Variants in LRRC37A2 observed in about 807,000 individuals in gnomAD.
LRRC37A2 encodes leucine rich repeat containing 37 member A2.
Under a neutral mutation model 68.8 loss-of-function variants are expected in LRRC37A2, and 9 were observed. The ratio of observed to expected loss-of-function variants is 0.13; its 90% CI spans 0.08 to 0.23. The LOEUF (loss-of-function observed/expected upper bound fraction) is 0.23, where lower values mean the gene tolerates loss of function less well. Among genes scored for constraint, LRRC37A2 ranks in the 10% least tolerant of loss-of-function variants. The pLI is 1.00. For missense variants in LRRC37A2, 168 were observed against 950.4 expected (o/e 0.18, Z 10.82); for synonymous variants, 63 against 367.6 (o/e 0.17, Z 9.48).
chr17:46,922,150 G>C, the LRRC37A2 span, among the ~76,000 whole-genome samples: 1 of 152,202 alleles, frequency 6.6e-6, no homozygotes, highest in Non-Finnish European at 1.5e-5. Context: ...ATACTATGCA[G>C]CCATAAAAAA....
the LRRC37A2 span, among the ~76,000 whole-genome samples, chr17:46,907,810 C>G: frequency 2.0e-5 from 3 of 150,962 alleles, no homozygotes; most frequent in Non-Finnish European, 2.9e-5. Context: ...GAGCCATGAT[C>G]GTGACACTGT....
the LRRC37A2 span, among the ~76,000 whole-genome samples, chr17:46,773,115 G>A: frequency 2.0e-5 from 3 of 152,120 alleles, no homozygotes; most frequent in Non-Finnish European, 4.4e-5. Context: ...AGACTCCCAG[G>A]CTGCAAGACG....
At chr17:46,919,446 G>A in the LRRC37A2 span, among the ~76,000 whole-genome samples, 1 of 152,184 alleles carries the variant, frequency 6.6e-6, no homozygotes, top group Non-Finnish European at 1.5e-5. Flanking sequence ...TTAAGAGACT[G>A]AGAGGCAGAA....
the LRRC37A2 span, among the ~76,000 whole-genome samples, chr17:46,737,832 T>G: frequency 6.6e-6 from 1 of 151,912 alleles, no homozygotes; most frequent in Admixed American, 6.6e-5. Context: ...GTCAGGGCCA[T>G]TGTGCCATGC....
the LRRC37A2 span, among the ~76,000 whole-genome samples, chr17:46,790,432 C>G: frequency 5.2e-4 from 79 of 152,202 alleles, no homozygotes; most frequent in Middle Eastern, 3.4e-3. Flanking sequence ...TAGGTGCTCC[C>G]TCCCCTCTGT....
the LRRC37A2 span, among the ~76,000 whole-genome samples, chr17:46,917,618 G>C: frequency 6.6e-6 from 1 of 152,148 alleles, no homozygotes; most frequent in Non-Finnish European, 1.5e-5. Flanking sequence ...CTACAGTTTT[G>C]TGGTCTTGGA....
At chr17:46,766,105 G>A in the LRRC37A2 span, among the ~76,000 whole-genome samples, 2 of 152,166 alleles carry the variant, frequency 1.3e-5, no homozygotes, top group Admixed American at 1.3e-4. Flanking sequence ...GAGAAAGAGG[G>A]CTGATGAAGA....
At chr17:46,809,429 G>C in the LRRC37A2 span, among the ~76,000 whole-genome samples, 1 of 152,328 alleles carries the variant, frequency 6.6e-6, no homozygotes, top group Non-Finnish European at 1.5e-5. Flanking sequence ...AGGTCTTCCA[G>C]ACAGACCTGG....
the LRRC37A2 span, chr17:46,749,678 A>T: frequency 8.4e-7 from 1 of 1,187,188 alleles, no homozygotes; most frequent in Non-Finnish European, 1.2e-6. Context: ...CGGCAAGATT[A>T]AATAAAAGTC....
At chr17:46,739,431 C>T in the LRRC37A2 span, among the ~76,000 whole-genome samples, 4 of 146,014 alleles carry the variant, frequency 2.7e-5, no homozygotes, top group South Asian at 6.5e-4. Flanking sequence ...TCCAGCTACT[C>T]GGGAGGCTGA....
chr17:47,018,729 C>G, the LRRC37A2 span: 4 of 1,520,704 alleles, frequency 2.6e-6, no homozygotes. Flanking sequence ...TGAATCTTCC[C>G]TAACCCATCA....
At chr17:46,943,980 C>T in the LRRC37A2 span, among the ~76,000 whole-genome samples, 1 of 152,104 alleles carries the variant, frequency 6.6e-6, no homozygotes, top group Non-Finnish European at 1.5e-5. Flanking sequence ...GAAGAGGGGG[C>T]TCTCGGAGGC....
the LRRC37A2 span, among the ~76,000 whole-genome samples, chr17:46,905,433 T>A: frequency 6.6e-6 from 1 of 152,316 alleles, no homozygotes; most frequent in Non-Finnish European, 1.5e-5. Flanking sequence ...TTAAAGATGA[T>A]GCTTGGAATA....
At chr17:46,842,177 G>A in the LRRC37A2 span, among the ~76,000 whole-genome samples, 102 of 152,314 alleles carry the variant, frequency 6.7e-4, no homozygotes, top group Admixed American at 1.5e-3. Context: ...AGGTCCTTGG[G>A]CAGGCCACTT....
chr17:46,807,340 G>A, the LRRC37A2 span, among the ~76,000 whole-genome samples: 1 of 152,318 alleles, frequency 6.6e-6, no homozygotes, highest in East Asian at 1.9e-4. Flanking sequence ...AAATTAGCTG[G>A]GTGTGGTGGC....
At chr17:46,595,460 A>G in the LRRC37A2 span, among the ~76,000 whole-genome samples, 7 of 97,552 alleles carry the variant, frequency 7.2e-5, no homozygotes, top group Non-Finnish European at 1.0e-4. Context: ...CTCAGCTATC[A>G]AACATTGAAT....
At chr17:46,585,186 G>A in the LRRC37A2 span, among the ~76,000 whole-genome samples, 1 of 146,372 alleles carries the variant, frequency 6.8e-6, no homozygotes, top group Admixed American at 6.8e-5. Context: ...GTATGGTGGT[G>A]CGTGCGTGTA....
chr17:46,711,016 CA>C, the LRRC37A2 span: 1 of 1,593,956 alleles, frequency 6.3e-7, no homozygotes, highest in South Asian at 1.2e-5. Context: ...ACGGTATCAT[CA>C]AATGGGGTGA....
the LRRC37A2 span, among the ~76,000 whole-genome samples, chr17:46,872,200 A>T: frequency 6.6e-6 from 1 of 152,264 alleles, no homozygotes; most frequent in East Asian, 1.9e-4. Flanking sequence ...AGAATTGCCC[A>T]GCATGGATCC....
Sources: gnomAD v4.1 joint callset for allele counts (sites outside exome capture counted in the v4.1 genomes callset) on GRCh38, gnomAD v4.1.1 for gene constraint, MANE v1.5 for transcripts, NCBI Gene and HGNC (gene_info 2026-07-23, HGNC 2026-07-21) for gene names.